The following ATP11A variants were observed in gnomAD, a reference collection of about 807,000 sequenced individuals.
ATP11A encodes the protein ATPase phospholipid transporting 11A, also known as phospholipid-transporting ATPase IH.
Under a neutral mutation model 154.4 loss-of-function variants are expected in ATP11A, and 81 were observed. That is an observed-to-expected ratio of 0.52 (90% CI 0.44 to 0.63). The LOEUF is 0.63. ATP11A is among the 30% of genes least tolerant of loss of function. ATP11A has a pLI of 0.00. For missense variants in ATP11A, 1,316 were observed against 1,474.3 expected (o/e 0.89, Z 1.76); for synonymous variants, 623 against 585.9 (o/e 1.06, Z -0.91).
rs1203838086 is a variant in ATP11A at position 112,754,144 on chromosome 13, G to A, written c.40-30991G>A. Among the ~76,000 whole-genome samples the A allele has an allele frequency of 2.6e-5, 4 of 152,208 alleles. No homozygotes were observed. Among genetic ancestry groups the A allele is most frequent in the Admixed American group, 6.5e-5 (1 of 15,284 alleles). ...CATCCTGAGCCGCAGTTGGAGCCACGGTCCCTGCTGCTGAGATGTGAGAAA... is the reference window on the plus strand; with the variant it reads ...CATCCTGAGCCGCAGTTGGAGCCACAGTCCCTGCTGCTGAGATGTGAGAAA... On this transcript the variant is annotated intron_variant, in intron 1 of 29. Transcript: ENST00000375645. This position sits in a 1 kb window ranked among gnomAD's most constrained non-coding sequence, Gnocchi z 5.3.
intron 29 of ATP11A, chr13:112,881,160 T>C: frequency 1.0e-6 from 1 of 988,454 alleles, no homozygotes; most frequent in South Asian, 4.7e-5. Context: ...CCCCCTGGTC[T>C]AAAAGTGGGC....
chr13:112,738,224 T>C lies in ATP11A; in HGVS notation c.40-46911T>C, dbSNP rs796149840. The stretch of plus-strand genomic sequence containing the variant: ...CCCGTCTCTACTAAAAATACAAAAA[T>C]TAGCCAGGTGTGTTGGTGGGTGCCT... On this transcript the variant is annotated intron_variant, in intron 1 of 29. Transcript: ENST00000375645. Among the ~76,000 whole-genome samples the C allele has an allele frequency of 2.6e-5, 4 of 151,942 alleles. No homozygotes were observed. The South Asian group carries it at 8.3e-4, about 32-fold the overall frequency.
intron 1 of ATP11A, among the ~76,000 whole-genome samples, chr13:112,704,142 G>A (rs545653403): frequency 2.0e-5 from 3 of 152,314 alleles, no homozygotes; most frequent in African/African-American, 4.8e-5. Flanking sequence ...CCACCCACAC[G>A]TCAGCCACCA....
intron 15 of ATP11A, among the ~76,000 whole-genome samples, chr13:112,835,796 G>A (rs1019213906): frequency 2.6e-5 from 4 of 152,222 alleles, no homozygotes; most frequent in Admixed American, 6.5e-5. Context: ...TTAGGGTAAC[G>A]CCAGTTCATT....
chr13:112,770,723 C>T (rs971675522), intron 1 of ATP11A, among the ~76,000 whole-genome samples: 16 of 152,234 alleles, frequency 1.1e-4, no homozygotes, highest in African/African-American at 3.9e-4. Flanking sequence ...CCCTGGGAGC[C>T]ACTGAGAGAC....
At chr13:112,862,024 G>GTAAGGCA (rs1275141436) in intron 24 of ATP11A, among the ~76,000 whole-genome samples, 5 of 93,330 alleles carry the variant, frequency 5.4e-5, no homozygotes, top group Non-Finnish European at 1.0e-4. Context: ...GGCGTAAGGC[G>GTAAGGCA]TCACGTCAGG....
Position 112,882,535 on chromosome 13 carries a change from C to G in ATP11A, c.*669C>G, listed in dbSNP as rs954626161. On this transcript the variant is annotated 3_prime_UTR_variant, in exon 30 of 30. Transcript: ENST00000375645. The surrounding 1 kb of genome is among the most constrained non-coding windows in gnomAD (Gnocchi z 5.1). ...TCGGATACCATCATCCCTGCGGATG[C>G]ACCGCCGTACCCTGCTCATCTGGGA... is the stretch of plus-strand genomic sequence containing the variant. 21 of 447,146 alleles carry G rather than the reference C, an allele frequency of 4.7e-5. No individual in the cohort carries two copies. Among genetic ancestry groups the G allele is most frequent in the Middle Eastern group, 5.4e-4 (1 of 1,848 alleles). 27.7% of individuals were successfully genotyped at this position (447,146 alleles called of 1,614,324 possible).
intron 1 of ATP11A, among the ~76,000 whole-genome samples, chr13:112,706,243 G>A (rs1009012285): frequency 2.6e-5 from 4 of 152,314 alleles, no homozygotes; most frequent in South Asian, 2.1e-4. Flanking sequence ...AAACTTGAAT[G>A]TGAGGACTCA....
chr13:112,748,361 C>G (rs1566421506), intron 1 of ATP11A, among the ~76,000 whole-genome samples: 1 of 152,108 alleles, frequency 6.6e-6, no homozygotes, highest in Non-Finnish European at 1.5e-5. Flanking sequence ...AATATAAATG[C>G]ATTTCTTTCA....
rs150675247 is a variant in ATP11A, at chr13:112,861,077, G to A, written c.2855+663G>A. ...CGGAAGGCATGAGGAGCAAAGGCACGTCTTACATGGTGGCAGACAGGAGAG... is the reference window on the plus strand; with the variant it reads ...CGGAAGGCATGAGGAGCAAAGGCACATCTTACATGGTGGCAGACAGGAGAG... On this transcript the variant is annotated intron_variant, in intron 24 of 29. Coordinates refer to ENST00000375645, the MANE Select transcript of ATP11A (RefSeq NM_015205.3). 2.8e-3 allele frequency among the ~76,000 whole-genome samples: 425 copies of A among 152,286 alleles called. 1 individual carries two copies. Among genetic ancestry groups the A allele is most frequent in the Middle Eastern group, 6.8e-3 (2 of 294 alleles).
At chr13:112,784,973 C>T (rs942178578) in intron 1 of ATP11A, among the ~76,000 whole-genome samples, 162 bp from the exon 2 acceptor site, 1 of 152,184 alleles carries the variant, frequency 6.6e-6, no homozygotes, top group African/African-American at 2.4e-5. Flanking sequence ...GTGGCTCGGG[C>T]CTGGGGTGCT....
At chr13:112,729,503 G>A (rs1227009693) in intron 1 of ATP11A, among the ~76,000 whole-genome samples, 3 of 151,418 alleles carry the variant, frequency 2.0e-5, no homozygotes, top group African/African-American at 2.4e-5. Context: ...GAACAGTGTC[G>A]GAAGGCACTG....
Position 112,855,848 on chromosome 13 carries a change from C to A in ATP11A, c.2244-63C>A. ...CATCTGTCGATATCCAAAAACAATA[C>A]AGTCTTCTAAAATCTATAGATTTAG... is the stretch of plus-strand genomic sequence containing the variant. On this transcript the variant is annotated intron_variant, in intron 19 of 29. Coordinates refer to ENST00000375645, the MANE Select transcript of ATP11A (RefSeq NM_015205.3). 2.8e-6 allele frequency: 4 copies of A among 1,453,026 alleles called. No homozygotes were observed. In the South Asian group the frequency reaches 5.5e-5, roughly 20 times the overall value. The allele number at this position is 1,453,026 out of a possible 1,614,324, so 90.0% of individuals were successfully genotyped here.
intron 9 of ATP11A, among the ~76,000 whole-genome samples, chr13:112,823,749 G>A (rs56201259): frequency 0.027 from 4,086 of 152,306 alleles, 160 homozygotes; most frequent in African/African-American, 0.07. Context: ...GTGGGTTATT[G>A]TCTGTTTTAA....
At chr13:112,763,606 A>G (rs572875772) in intron 1 of ATP11A, among the ~76,000 whole-genome samples, 101 of 152,298 alleles carry the variant, frequency 6.6e-4, no homozygotes, top group African/African-American at 2.3e-3. Flanking sequence ...GGCTCTGCTA[A>G]GAGACACTCA....
rs139863569 is a variant in ATP11A at position 112,709,928 on chromosome 13, C to T, written c.39+19473C>T. Reference sequence around the variant, plus strand: ...CCATGAGGGCATAGCCCAGTTAGGCCGCGCTGCTCCCTGCTGCTGACCAGC... The same window carrying T: ...CCATGAGGGCATAGCCCAGTTAGGCTGCGCTGCTCCCTGCTGCTGACCAGC... On this transcript the variant is annotated intron_variant, in intron 1 of 29. Transcript: ENST00000375645. Among the ~76,000 whole-genome samples the T allele has an allele frequency of 4.9e-3, 754 of 152,378 alleles. 6 individuals are homozygous for T. Among genetic ancestry groups the T allele is most frequent in the African/African-American group, 0.017 (716 of 41,596 alleles).
At chr13:112,760,410 A>G (rs896831541) in intron 1 of ATP11A, among the ~76,000 whole-genome samples, 1 of 152,244 alleles carries the variant, frequency 6.6e-6, no homozygotes, top group African/African-American at 2.4e-5. Context: ...GGTGAGGACT[A>G]TGGAAGAAGA....
chr13:112,800,324 T>G (rs965387439), intron 2 of ATP11A, among the ~76,000 whole-genome samples: 2 of 152,146 alleles, frequency 1.3e-5, no homozygotes, highest in African/African-American at 4.8e-5. Context: ...GCATCACTAC[T>G]GGTAACATGG....
intron 1 of ATP11A, among the ~76,000 whole-genome samples, chr13:112,771,147 A>G (rs2077216256): frequency 6.6e-6 from 1 of 152,204 alleles, no homozygotes. Flanking sequence ...TTCTAACCCC[A>G]TTCTAACCTG....
Sources: allele counts gnomAD v4.1 joint callset (sites outside exome capture counted in the v4.1 genomes callset), GRCh38; gene constraint gnomAD v4.1.1; non-coding constraint Gnocchi (gnomAD v3.1); transcripts MANE v1.5; gene names NCBI Gene and HGNC (gene_info 2026-07-23, HGNC 2026-07-21).